COL5A2: variants seen among roughly 807,000 people sequenced by gnomAD.
COL5A2 encodes collagen alpha-2(V) chain.
Under a neutral mutation model 208.2 loss-of-function variants are expected in COL5A2, and 23 were observed. That is an observed-to-expected ratio of 0.11 (90% CI 0.08 to 0.16). The LOEUF is 0.16. Among genes scored for constraint, COL5A2 ranks in the 10% least tolerant of loss-of-function variants. The pLI, the probability that COL5A2 is intolerant of heterozygous loss-of-function variation, is 1.00. For synonymous variants in COL5A2, 625 were observed against 628.5 expected (o/e 0.99, Z 0.08); for missense variants, 1,590 against 1,956.4 (o/e 0.81, Z 3.53).
intron 1 of COL5A2, among the ~76,000 whole-genome samples, chr2:189,145,311 A>G (rs1688016681): frequency 6.6e-6 from 1 of 152,120 alleles, no homozygotes; most frequent in African/African-American, 2.4e-5. Context: ...ACATTTCTTG[A>G]CCATCTCTTT....
Position 189,092,331 on chromosome 2 carries a change from T to C in COL5A2, c.546A>G (p.Pro182=), listed in dbSNP as rs1304452216. Residue 182 remains proline (P), a synonymous_variant, in exon 7 of 54, where the codon CCA becomes CCG. Transcript: ENST00000374866. The stretch of plus-strand genomic sequence containing the variant: ...TCACCCTGCTCAAGCCATCGGGTCC[T>C]GGGTGGGACGGATGTCCAGGAGGTC... The part of the protein sequence containing the change: ...APGPPGHPSH[P]GPDGLSRPFS... 6.2e-7 allele frequency: 1 copy of C among 1,608,726 alleles called. No homozygotes were observed. Among genetic ancestry groups the C allele is most frequent in the South Asian group, 1.1e-5 (1 of 89,658 alleles).
chr2:189,240,023 T>C, the COL5A2 span, among the ~76,000 whole-genome samples: 10 of 152,114 alleles, frequency 6.6e-5, no homozygotes, highest in African/African-American at 2.4e-4. Context: ...ATAGCAGTGT[T>C]AGAAAACTAA....
At chr2:189,375,102 C>T in the COL5A2 span, among the ~76,000 whole-genome samples, 53 of 151,762 alleles carry the variant, frequency 3.5e-4, no homozygotes, top group Non-Finnish European at 7.2e-4. Context: ...CTGAAACCTC[C>T]AGCTCCCAGG....
At chr2:189,086,116 T>G (rs1015947263) in intron 9 of COL5A2, among the ~76,000 whole-genome samples, 1 of 152,208 alleles carries the variant, frequency 6.6e-6, no homozygotes, top group Non-Finnish European at 1.5e-5. Context: ...TAGTCACTGA[T>G]AGCTTGAAGT....
chr2:189,399,727 T>A, the COL5A2 span, among the ~76,000 whole-genome samples: 3 of 152,060 alleles, frequency 2.0e-5, no homozygotes, highest in Non-Finnish European at 4.4e-5. Flanking sequence ...TGAAACAGGG[T>A]CTCACTCTGC....
chr2:189,365,055 A>G, the COL5A2 span, among the ~76,000 whole-genome samples: 3 of 152,350 alleles, frequency 2.0e-5, no homozygotes, highest in African/African-American at 7.2e-5. Context: ...ATAGAGGGAT[A>G]TAAGATAGTA....
At chr2:189,339,719 G>T in the COL5A2 span, among the ~76,000 whole-genome samples, 4 of 152,260 alleles carry the variant, frequency 2.6e-5, no homozygotes, top group East Asian at 7.7e-4. Context: ...AAAAAGAGTT[G>T]GTCAGCAGGA....
intron 2 of COL5A2, among the ~76,000 whole-genome samples, chr2:189,107,419 T>C (rs1687172603): frequency 6.6e-6 from 1 of 151,604 alleles, no homozygotes; most frequent in African/African-American, 2.4e-5. Flanking sequence ...GGTAATTTTT[T>C]CTTTATCATT....
intron 1 of COL5A2, among the ~76,000 whole-genome samples, chr2:189,224,713 A>G (rs1303493027): frequency 6.6e-6 from 1 of 152,092 alleles, no homozygotes; most frequent in African/African-American, 2.4e-5. Flanking sequence ...ATTAAAAAAT[A>G]AAAACTAGAA....
the COL5A2 span, among the ~76,000 whole-genome samples, chr2:189,249,301 A>G: frequency 8.5e-5 from 13 of 152,306 alleles, no homozygotes; most frequent in Admixed American, 3.9e-4. Context: ...CCTATCATTA[A>G]TGAAAAGCTT....
intron 51 of COL5A2, among the ~76,000 whole-genome samples, chr2:189,038,641 C>T (rs1685490430): frequency 6.6e-6 from 1 of 152,200 alleles, no homozygotes; most frequent in Non-Finnish European, 1.5e-5. Context: ...TTTACATTCC[C>T]ACCAATAAGT....
At chr2:189,323,009 G>A in the COL5A2 span, among the ~76,000 whole-genome samples, 1 of 152,132 alleles carries the variant, frequency 6.6e-6, no homozygotes, top group Non-Finnish European at 1.5e-5. Flanking sequence ...ATGCAAGCTG[G>A]TTCAACATAC....
the COL5A2 span, among the ~76,000 whole-genome samples, chr2:189,391,661 A>G: frequency 1.3e-5 from 2 of 152,154 alleles, no homozygotes; most frequent in South Asian, 4.1e-4. Context: ...TTCTATTAGA[A>G]GGAAGTCATT....
At chr2:189,136,500 T>A (rs1271679918) in intron 1 of COL5A2, among the ~76,000 whole-genome samples, 1 of 85,560 alleles carries the variant, frequency 1.2e-5, no homozygotes, top group Non-Finnish European at 2.3e-5. Flanking sequence ...ATCTGTATAT[T>A]TTTTCTTTTT....
At chr2:189,426,157 C>T in the COL5A2 span, among the ~76,000 whole-genome samples, 1 of 152,172 alleles carries the variant, frequency 6.6e-6, no homozygotes, top group African/African-American at 2.4e-5. Flanking sequence ...AAGTTTGGAA[C>T]TTCCTAGAGA....
intron 5 of COL5A2, 107 bp downstream of exon 5, chr2:189,098,620 G>T: frequency 1.1e-6 from 1 of 908,960 alleles, no homozygotes; most frequent in South Asian, 1.4e-5. Context: ...AAGAGACCAA[G>T]TATCATTGTT....
At chr2:189,098,418 T>C (rs973940751) in intron 5 of COL5A2, among the ~76,000 whole-genome samples, 73 of 152,234 alleles carry the variant, frequency 4.8e-4, no homozygotes, top group African/African-American at 1.7e-3. Context: ...AACACACAAG[T>C]ATGCCCTAAT....
intron 49 of COL5A2, among the ~76,000 whole-genome samples, chr2:189,042,106 G>A (rs1427585835): frequency 6.6e-6 from 1 of 152,152 alleles, no homozygotes; most frequent in Non-Finnish European, 1.5e-5. Context: ...TGTATGCTTT[G>A]TTTACACTGT....
intron 50 of COL5A2, 143 bp from the exon 51 acceptor site, chr2:189,039,706 A>T: frequency 1.4e-6 from 1 of 729,522 alleles, no homozygotes; most frequent in Non-Finnish European, 2.2e-6. Context: ...TTTTGTAACT[A>T]GATGGGGGTG....
Sources: gnomAD v4.1 joint callset for allele counts (sites outside exome capture counted in the v4.1 genomes callset) on GRCh38, gnomAD v4.1.1 for gene constraint, MANE v1.5 for transcripts, NCBI Gene and HGNC (gene_info 2026-07-23, HGNC 2026-07-21) for gene names.